The following GCH1 variants were observed in gnomAD, a reference collection of about 807,000 sequenced individuals.
GCH1 encodes the protein GTP cyclohydrolase I.
A neutral mutation model predicts 25.9 loss-of-function variants in GCH1; 5 were observed. That is an observed-to-expected ratio of 0.19 (90% CI 0.10 to 0.41). The LOEUF (loss-of-function observed/expected upper bound fraction) is 0.41, where lower values mean the gene tolerates loss of function less well. GCH1 is among the 10% of genes least tolerant of loss of function. GCH1 has a pLI of 1.00. For synonymous variants in GCH1, 159 were observed against 129.6 expected (o/e 1.23, Z -1.54); for missense variants, 261 against 336.5 (o/e 0.78, Z 1.75).
In GCH1 at chr14:54,863,158, G is replaced by A. The variant is rs145990183; in HGVS notation, c.453+2169C>T. On this transcript the variant is annotated intron_variant, in intron 2 of 5. Transcript: ENST00000491895. ...TTTAGGGCCAGGTGCGGTGGCTCAC[G>A]CCTGTAATCCCAGCACTTTGGGAGG... Among the ~76,000 whole-genome samples the A allele has an allele frequency of 3.4e-4, 52 of 152,150 alleles. 1 individual carries two copies. The East Asian group carries it at 6.8e-3, about 20-fold the overall frequency.
intron 1 of GCH1, among the ~76,000 whole-genome samples, chr14:54,870,313 C>A (rs922337696): frequency 1.6e-5 from 2 of 127,996 alleles, no homozygotes; most frequent in African/African-American, 6.3e-5. Flanking sequence ...GACTGCCCAA[C>A]CTAGCCAGAC....
rs768768637 is a variant in GCH1 at position 54,845,858 on chromosome 14, G to C, written c.542-6C>G. 6.5e-7 allele frequency: 1 copy of C among 1,535,186 alleles called. No individual in the cohort carries two copies. Among genetic ancestry groups the C allele is most frequent in the Non-Finnish European group, 9.0e-7 (1 of 1,108,012 alleles). ...TTTTGTAAGGCGCTCCTGAACTGTGGATGTGATAAGGAGCTCAGTTTGAGA... is the reference window on the plus strand; with the variant it reads ...TTTTGTAAGGCGCTCCTGAACTGTGCATGTGATAAGGAGCTCAGTTTGAGA... On this transcript the variant is annotated splice_polypyrimidine_tract_variant and splice_region_variant and intron_variant, in intron 4 of 5. Transcript: ENST00000491895.
intron 1 of GCH1, among the ~76,000 whole-genome samples, chr14:54,875,306 T>G (rs897746783): frequency 3.3e-5 from 5 of 152,202 alleles, no homozygotes; most frequent in African/African-American, 4.8e-5. Context: ...TCCTTACACC[T>G]TATACAAAAA....
intron 2 of GCH1, among the ~76,000 whole-genome samples, 175 bp from the exon 3 acceptor site, chr14:54,859,911 T>C (rs1355941118): frequency 1.3e-5 from 2 of 152,238 alleles, no homozygotes; most frequent in Non-Finnish European, 2.9e-5. Flanking sequence ...TTTATATATG[T>C]ATTTTTAAAA....
Position 54,843,952 on chromosome 14 carries a change from C to T in GCH1, c.*65G>A. On this transcript the variant is annotated 3_prime_UTR_variant, in exon 6 of 6. Transcript: ENST00000491895. ...TTGAAAATGGAATGTACAAACAAGA[C>T]CGGACAGACAGACAATGCTACTGGC... is the stretch of plus-strand genomic sequence containing the variant. The T allele has an allele frequency of 6.2e-7, 1 of 1,613,850 alleles. No homozygotes were observed. Among genetic ancestry groups the T allele is most frequent in the Non-Finnish European group, 8.5e-7 (1 of 1,179,924 alleles).
chr14:54,886,133 G>C (rs2040348499), intron 1 of GCH1: 1 of 158,298 alleles, frequency 6.3e-6, no homozygotes, highest in African/African-American at 2.4e-5. Flanking sequence ...TCCTCAGTCA[G>C]CATCCTGACA....
intron 1 of GCH1, chr14:54,878,185 G>A (rs910859105): frequency 1.3e-5 from 2 of 154,574 alleles, no homozygotes; most frequent in South Asian, 4.1e-4. Context: ...AGTTCCCTCT[G>A]AACCCATAGT....
At position 54,884,796 on chromosome 14, in the gene GCH1, C is replaced by CA. The variant is rs1324512185; in HGVS notation, c.343+17524dup. The stretch of plus-strand genomic sequence containing the variant: ...AAAACAACAACAACAACAACAACAA[C>CA]AACAAAAAAAAAGATTACACAGTAA... On this transcript the variant is annotated intron_variant, in intron 1 of 5. Transcript: ENST00000491895. The CA allele has an allele frequency of 1.2e-4, 17 of 145,386 alleles. 1 individual carries two copies. Among genetic ancestry groups the CA allele is most frequent in the South Asian group, 2.2e-4 (1 of 4,574 alleles). The allele number at this position is 145,386 out of a possible 1,614,324, so 9.0% of individuals were successfully genotyped here. A position where few individuals can be genotyped will look rare whatever the true frequency, so the allele number is the denominator to read the frequency against.
intron 1 of GCH1, among the ~76,000 whole-genome samples, chr14:54,867,084 A>G (rs1316991379): frequency 1.3e-5 from 2 of 152,246 alleles, no homozygotes; most frequent in Non-Finnish European, 2.9e-5. Flanking sequence ...ATTGCCACAT[A>G]TAGCTTACTA....
intron 1 of GCH1, among the ~76,000 whole-genome samples, chr14:54,876,398 C>T (rs936707301): frequency 6.6e-6 from 1 of 151,830 alleles, no homozygotes; most frequent in Non-Finnish European, 1.5e-5. Flanking sequence ...TGTTAAATGA[C>T]GAGTTAATGG....
intron 5 of GCH1, among the ~76,000 whole-genome samples, chr14:54,844,646 C>T (rs2039612754): frequency 6.6e-6 from 1 of 152,178 alleles, no homozygotes; most frequent in Non-Finnish European, 1.5e-5. Context: ...CCTGTCTGAG[C>T]AACCTGGTGA....
chr14:54,850,045 G>A (rs912425274), intron 3 of GCH1, among the ~76,000 whole-genome samples: 1 of 151,996 alleles, frequency 6.6e-6, no homozygotes, highest in African/African-American at 2.4e-5. Context: ...CACAATCTTA[G>A]CTCATTGGAA....
At chr14:54,896,188 T>C (rs569144366) in intron 1 of GCH1, among the ~76,000 whole-genome samples, 1 of 152,364 alleles carries the variant, frequency 6.6e-6, no homozygotes, top group South Asian at 2.1e-4. Flanking sequence ...TCCTGTATCC[T>C]GTTTACAAGC....
chr14:54,881,826 A>G (rs1284770459), intron 1 of GCH1, among the ~76,000 whole-genome samples: 1 of 152,216 alleles, frequency 6.6e-6, no homozygotes, highest in Non-Finnish European at 1.5e-5. Flanking sequence ...GCTCTTAGCT[A>G]TTAAAATATA....
intron 3 of GCH1, among the ~76,000 whole-genome samples, chr14:54,849,641 G>T (rs1215993345): frequency 6.6e-6 from 1 of 152,172 alleles, no homozygotes; most frequent in African/African-American, 2.4e-5. Flanking sequence ...TATTTTGCAT[G>T]TGTTCTAGAA....
rs1477733062 is a variant in GCH1 at position 54,902,575 on chromosome 14, G to C, written c.89C>G (p.Pro30Arg). Reference sequence around the variant, plus strand: ...CTTCTCCGCCGGCCTGCTGGGCCCGGGCCGCGGCGGATCCCGCTCGGGGAA... The same window carrying C: ...CTTCTCCGCCGGCCTGCTGGGCCCGCGCCGCGGCGGATCCCGCTCGGGGAA... Reference protein sequence around the residue: ...NGFPERDPPRPGPSRPAEKPP... With the variant: ...NGFPERDPPRRGPSRPAEKPP... The change falls in exon 1 of 6, where the codon CCC becomes CGC. Residue 30 changes from proline to arginine, a missense_variant. By Grantham distance (103) the Pro-to-Arg change is moderately radical. Around this residue, in one of 3 missense-constraint regions of GCH1, gnomAD observed 125 missense variants for 128.7 expected, o/e 0.97. Coordinates refer to ENST00000491895, the MANE Select transcript of GCH1 (RefSeq NM_000161.3). 8 of 1,493,930 alleles carry C rather than the reference G, an allele frequency of 5.4e-6. No individual in the cohort carries two copies. Among genetic ancestry groups the C allele is most frequent in the Admixed American group, 2.4e-5 (1 of 42,520 alleles). 92.5% of individuals were successfully genotyped at this position (1,493,930 alleles called of 1,614,324 possible). A position where few individuals can be genotyped will look rare whatever the true frequency, so the allele number is the denominator to read the frequency against.
intron 1 of GCH1, among the ~76,000 whole-genome samples, chr14:54,875,109 T>A (rs1046433677): frequency 1.3e-5 from 2 of 152,204 alleles, no homozygotes; most frequent in African/African-American, 4.8e-5. Flanking sequence ...AGCATGGTAC[T>A]GGTACCAAAA....
At chr14:54,864,276 A>T (rs749800676) in intron 2 of GCH1, among the ~76,000 whole-genome samples, 17 of 152,240 alleles carry the variant, frequency 1.1e-4, no homozygotes, top group Non-Finnish European at 2.2e-4. Flanking sequence ...ACAAAGACAA[A>T]AATGAAGCAA....
At position 54,842,895 on chromosome 14, in the gene GCH1, T is replaced by G. The variant is rs56126158; in HGVS notation, c.*1122A>C. 1.7e-6 allele frequency: 1 copy of G among 590,472 alleles called. No individual in the cohort carries two copies. The highest frequency in any genetic ancestry group is 2.8e-5 in the East Asian group (1 of 35,540). The allele number at this position is 590,472 out of a possible 1,614,324, so 36.6% of individuals were successfully genotyped here. A position where few individuals can be genotyped will look rare whatever the true frequency, so the allele number is the denominator to read the frequency against. On this transcript the variant is annotated 3_prime_UTR_variant, in exon 6 of 6. Coordinates refer to ENST00000491895, the MANE Select transcript of GCH1 (RefSeq NM_000161.3). Reference sequence around the variant, plus strand: ...AGTTACAATGAGGACAAGACCCACATAGACCACAAAGGAAACCGGGACCAG... The same window carrying G: ...AGTTACAATGAGGACAAGACCCACAGAGACCACAAAGGAAACCGGGACCAG...
Sources: gnomAD v4.1 joint callset for allele counts (sites outside exome capture counted in the v4.1 genomes callset) on GRCh38, gnomAD v4.1.1 for gene constraint, gnomAD v4.1.1 regional missense constraint, MANE v1.5 for transcripts, NCBI Gene and HGNC (gene_info 2026-07-23, HGNC 2026-07-21) for gene names.